Variants in ERG observed in about 807,000 individuals in gnomAD.
ERG encodes the protein ETS transcription factor ERG.
A neutral mutation model predicts 55.3 loss-of-function variants in ERG; 9 were observed. The ratio of observed to expected loss-of-function variants is 0.16; its 90% CI spans 0.10 to 0.28. The LOEUF (loss-of-function observed/expected upper bound fraction) is 0.28. Among genes scored for constraint, ERG ranks in the 10% least tolerant of loss-of-function variants. ERG has a pLI of 1.00. For missense variants in ERG, 434 were observed against 631.6 expected, an observed-to-expected ratio of 0.69 and a Z score of 3.35; for synonymous variants, 223 against 237.3, an observed-to-expected ratio of 0.94 and a Z score of 0.55.
chr21:38,466,300 G>GGGGTGTGTGTGTGTGT (rs1555903683), intron 1 of ERG, among the ~76,000 whole-genome samples: 3 of 140,684 alleles, frequency 2.1e-5, no homozygotes, highest in African/African-American at 5.3e-5. Flanking sequence ...GATGGTCTGG[G>GGGGTGTGTGTGTGTGT]GTGTGTGTGT....
At chr21:38,634,763 C>G (rs767931882) in intron 1 of ERG, among the ~76,000 whole-genome samples, 1 of 152,188 alleles carries the variant, frequency 6.6e-6, no homozygotes, top group Non-Finnish European at 1.5e-5. Flanking sequence ...GATTGATGAT[C>G]CATTTTTAGA....
intron 3 of ERG, among the ~76,000 whole-genome samples, chr21:38,411,594 C>T (rs1019966751): frequency 8.5e-5 from 13 of 152,228 alleles, no homozygotes; most frequent in African/African-American, 2.7e-4. Context: ...AGGCGTGAGC[C>T]ACCATGCCCA....
At chr21:38,480,145 A>G (rs1354951445) in intron 1 of ERG, among the ~76,000 whole-genome samples, 1 of 152,184 alleles carries the variant, frequency 6.6e-6, no homozygotes, top group Admixed American at 6.5e-5. Context: ...AGGGGAATTC[A>G]TGTCCTGGGT....
intron 2 of ERG, among the ~76,000 whole-genome samples, chr21:38,529,437 GA>G (rs2059656022): frequency 6.6e-6 from 1 of 152,112 alleles, no homozygotes; most frequent in Non-Finnish European, 1.5e-5. Flanking sequence ...GGCTATGAGG[GA>G]AAGAGGATTA....
chr21:38,631,025 G>A (rs1040916922), intron 1 of ERG, among the ~76,000 whole-genome samples: 10 of 152,186 alleles, frequency 6.6e-5, no homozygotes, highest in African/African-American at 2.2e-4. Flanking sequence ...GAAACCCCTG[G>A]AATGGAAAGC....
In ERG at chr21:38,512,069, A is replaced by C. The variant is rs1404366081; in HGVS notation, c.-41+63593T>G. ...GAAGGTATATTGTCAGATGGGATAG[A>C]TTGACCTGAAAAAATCACATAAACC... On this transcript the variant is annotated intron_variant, in intron 2 of 8. Transcript: ENST00000398897. Among the ~76,000 whole-genome samples, 3 of 152,204 alleles carry C rather than the reference A, an allele frequency of 2.0e-5. No individual in the cohort carries two copies. In the East Asian group the frequency reaches 5.8e-4, roughly 29 times the overall value.
chr21:38,518,770 C>T (rs998919471), intron 2 of ERG, among the ~76,000 whole-genome samples: 1 of 151,960 alleles, frequency 6.6e-6, no homozygotes, highest in Non-Finnish European at 1.5e-5. Flanking sequence ...AAAGGAAAGA[C>T]TAATAAATTG....
chr21:38,593,566 TAAAG>T (rs150100058), intron 1 of ERG, among the ~76,000 whole-genome samples: 1,832 of 152,302 alleles, frequency 0.012, 29 homozygotes, highest in African/African-American at 0.041. Context: ...GGTCAAATCT[TAAAG>T]AAGCAAATGC....
intron 1 of ERG, among the ~76,000 whole-genome samples, chr21:38,601,581 T>C (rs2060164802): frequency 6.6e-6 from 1 of 152,116 alleles, no homozygotes; most frequent in East Asian, 1.9e-4. Context: ...ATAAGGAGAA[T>C]TTTCCCTGTT....
intron 1 of ERG, chr21:38,450,844 T>G: frequency 2.2e-6 from 1 of 448,084 alleles, no homozygotes; most frequent in South Asian, 1.6e-5. Flanking sequence ...CAATGACATC[T>G]TACATTTTAT....
intron 2 of ERG, among the ~76,000 whole-genome samples, chr21:38,518,236 G>GTATCTATCTATCTATCTATC (rs71330332): frequency 6.9e-6 from 1 of 145,368 alleles, no homozygotes; most frequent in Non-Finnish European, 1.5e-5. Context: ...GTGTGTGTGT[G>GTATCTATCTATCTATCTATC]TATCTATCTA....
intron 1 of ERG, among the ~76,000 whole-genome samples, chr21:38,476,946 C>G (rs1413664221): frequency 6.6e-6 from 1 of 151,698 alleles, no homozygotes; most frequent in Non-Finnish European, 1.5e-5. Flanking sequence ...TGCAGAAACC[C>G]ATGTGTCCTA....
intron 1 of ERG, among the ~76,000 whole-genome samples, chr21:38,655,921 G>A (rs1223260015): frequency 6.6e-6 from 1 of 152,200 alleles, no homozygotes; most frequent in Non-Finnish European, 1.5e-5. Context: ...ATTGCAGGTA[G>A]TACTGCAGAA....
intron 1 of ERG, among the ~76,000 whole-genome samples, chr21:38,458,834 C>T (rs1223641820): frequency 6.6e-6 from 1 of 152,200 alleles, no homozygotes; most frequent in East Asian, 1.9e-4. Context: ...TCTTCTCCAA[C>T]CTTGCCGTCT....
intron 2 of ERG, among the ~76,000 whole-genome samples, chr21:38,442,380 G>A (rs1327609483): frequency 6.6e-6 from 1 of 152,098 alleles, no homozygotes; most frequent in East Asian, 1.9e-4. Flanking sequence ...GGGTAAAAAA[G>A]AGCAAAACTC....
chr21:38,520,085 A>T (rs2059583259), intron 2 of ERG, among the ~76,000 whole-genome samples: 1 of 152,210 alleles, frequency 6.6e-6, no homozygotes, highest in South Asian at 2.1e-4. Context: ...TTAGCAGGTC[A>T]AAACTTTTCA....
At chr21:38,463,831 C>T (rs1045972770) in intron 1 of ERG, among the ~76,000 whole-genome samples, 4 of 152,204 alleles carry the variant, frequency 2.6e-5, no homozygotes, top group African/African-American at 9.6e-5. Flanking sequence ...GCCTGGGATG[C>T]CCCGTCCAGA....
intron 3 of ERG, among the ~76,000 whole-genome samples, chr21:38,414,987 T>C (rs1466033472): frequency 1.3e-5 from 2 of 152,204 alleles, no homozygotes; most frequent in East Asian, 3.8e-4. Flanking sequence ...TTTACAAAAT[T>C]CCCTCTCCAC....
At chr21:38,518,745 A>G (rs368510769) in intron 2 of ERG, among the ~76,000 whole-genome samples, 37 of 152,280 alleles carry the variant, frequency 2.4e-4, no homozygotes, top group African/African-American at 8.9e-4. Context: ...AACAAGGCAC[A>G]GAAACACTAA....
Sources: gnomAD v4.1 joint callset for allele counts (sites outside exome capture counted in the v4.1 genomes callset) on GRCh38, gnomAD v4.1.1 for gene constraint, MANE v1.5 for transcripts, NCBI Gene and HGNC (gene_info 2026-07-23, HGNC 2026-07-21) for gene names.